The following VASH1 variants were observed in gnomAD, a reference collection of about 807,000 sequenced individuals.
VASH1 encodes vasohibin 1.
VASH1 carries 16 observed loss-of-function variants against 35.0 expected under a neutral mutation model. The ratio of observed to expected loss-of-function variants is 0.46; its 90% CI spans 0.31 to 0.70. The LOEUF (loss-of-function observed/expected upper bound fraction) is 0.70, where lower values mean the gene tolerates loss of function less well. Among genes scored for constraint, VASH1 ranks in the 30% least tolerant of loss-of-function variants. VASH1 has a pLI of 0.05. For synonymous variants in VASH1, 214 were observed against 200.9 expected (o/e 1.07, Z -0.55); for missense variants, 505 against 510.7 (o/e 0.99, Z 0.11).
chr14:76,771,302 G>A, intron 3 of VASH1, 56 bp downstream of exon 3: 1 of 1,501,860 alleles, frequency 6.7e-7, no homozygotes, highest in East Asian at 2.4e-5. Context: ...CTTCTTGAAA[G>A]CCCTATAGTG....
chr14:76,776,207 G>T lies in VASH1; in HGVS notation c.846G>T (p.Val282=). 1 of 1,609,828 alleles carries T rather than the reference G, an allele frequency of 6.2e-7. No individual in the cohort carries two copies. Among genetic ancestry groups the T allele is most frequent in the Admixed American group, 1.7e-5 (1 of 59,964 alleles). ...AGTGGAAGCACTCGGTGCTGGACGT[G>T]GAGCGCCTGGGCCGCGATGACTTCC... ...QIEWKHSVLD[V]ERLGRDDFRK... The change falls in exon 5 of 7, where the codon GTG becomes GTT. Residue 282 remains valine, a synonymous_variant. Transcript: ENST00000167106.
intron 3 of VASH1, 51 bp downstream of exon 3, chr14:76,771,297 T>G: frequency 6.5e-7 from 1 of 1,536,890 alleles, no homozygotes; most frequent in Non-Finnish European, 8.8e-7. Context: ...TGGAGCTTCT[T>G]GAAAGCCCTA....
Position 76,762,834 on chromosome 14 carries a change from A to C in VASH1, c.13A>C (p.Lys5Gln). Residue 5 changes from lysine (K) to glutamine (Q), a missense_variant, in exon 1 of 7, where the codon AAG becomes CAG. Transcript: ENST00000167106. Reference sequence around the variant, plus strand: ...CGAAGATTTAGGGATGCCAGGGGGGAAGAAGGTGGCTGGGGGTGGCAGCAG... The same window carrying C: ...CGAAGATTTAGGGATGCCAGGGGGGCAGAAGGTGGCTGGGGGTGGCAGCAG... The part of the protein sequence containing the change: MPGG[K>Q]KVAGGGSSGA... The C allele has an allele frequency of 6.7e-7, 1 of 1,489,736 alleles. No individual in the cohort carries two copies. The highest frequency in any genetic ancestry group is 8.9e-7 in the Non-Finnish European group (1 of 1,119,518). 92.3% of individuals were successfully genotyped at this position (1,489,736 alleles called of 1,614,324 possible). A position where few individuals can be genotyped will look rare whatever the true frequency, so the allele number is the denominator to read the frequency against.
chr14:76,770,792 A>G (rs1459348163), intron 2 of VASH1, among the ~76,000 whole-genome samples: 2 of 152,014 alleles, frequency 1.3e-5, no homozygotes, highest in Non-Finnish European at 2.9e-5. Flanking sequence ...CAGTGGGGAA[A>G]CTGGTCCAGT....
At chr14:76,777,863 C>T in intron 5 of VASH1, 96 bp from the exon 6 acceptor site, 1 of 945,760 alleles carries the variant, frequency 1.1e-6, no homozygotes, top group Non-Finnish European at 1.5e-6. Flanking sequence ...CGGGCCTTCC[C>T]CAGGGCAGCC....
Position 76,769,943 on chromosome 14 carries a change from A to G in VASH1, c.310-20A>G, listed in dbSNP as rs1488365803. The G allele has an allele frequency of 6.2e-7, 1 of 1,612,126 alleles. No homozygotes were observed. Among genetic ancestry groups the G allele is most frequent in the Non-Finnish European group, 8.5e-7 (1 of 1,178,370 alleles). On this transcript the variant is annotated intron_variant, in intron 1 of 6. Transcript: ENST00000167106. ...AAGGTGAGCCTCTTCTTGTGACCGG[A>G]GCTCTTTCTCTGTCCCCAGATCCCC...
intron 1 of VASH1, among the ~76,000 whole-genome samples, chr14:76,768,808 G>A (rs3783994): frequency 0.37 from 55,517 of 152,070 alleles, 10,501 homozygotes; most frequent in Non-Finnish European, 0.4. Flanking sequence ...TCGGGTGGGT[G>A]GGCTCAGTGT....
At position 76,764,283 on chromosome 14, in the gene VASH1, A is replaced by G. The variant is rs138921115; in HGVS notation, c.309+1153A>G. On this transcript the variant is annotated intron_variant, in intron 1 of 6. Transcript: ENST00000167106. ...AAGGTTGAAGGTTTAAATACTGCCT[A>G]ATGTTTCCAGGGGAAACAAAATGTA... 3.9e-3 allele frequency among the ~76,000 whole-genome samples: 588 copies of G among 152,368 alleles called. 4 individuals are homozygous for G. The highest frequency in any genetic ancestry group is 0.014 in the African/African-American group (569 of 41,584).
Position 76,775,757 on chromosome 14 carries a change from T to C in VASH1, c.531-135T>C, listed in dbSNP as rs559398651. 53 of 1,320,012 alleles carry C rather than the reference T, an allele frequency of 4.0e-5. No individual in the cohort carries two copies. The East Asian group carries it at 1.2e-3, about 30-fold the overall frequency. The allele number at this position is 1,320,012 out of a possible 1,614,324, so 81.8% of individuals were successfully genotyped here. A position where few individuals can be genotyped will look rare whatever the true frequency, so the allele number is the denominator to read the frequency against. On this transcript the variant is annotated intron_variant, in intron 4 of 6. Coordinates refer to ENST00000167106, the MANE Select transcript of VASH1 (RefSeq NM_014909.5). Reference sequence around the variant, plus strand: ...GAATACCAGGAGGAGACGCCAGGCGTATGGAGATGAGCAGGACTGGTGTCT... The same window carrying C: ...GAATACCAGGAGGAGACGCCAGGCGCATGGAGATGAGCAGGACTGGTGTCT...
In VASH1 at chr14:76,775,844, C is replaced by G. The variant is rs764523284; in HGVS notation, c.531-48C>G. ...CCCGGTCCCAGTCCCTCCCGGTGTG[C>G]TGGCCCCGTGCTTCTCCTGGCTCTT... On this transcript the variant is annotated intron_variant, in intron 4 of 6. Coordinates refer to ENST00000167106, the MANE Select transcript of VASH1 (RefSeq NM_014909.5). 7.3e-6 allele frequency: 11 copies of G among 1,500,990 alleles called. No homozygotes were observed. The Admixed American group carries it at 2.3e-4, about 32-fold the overall frequency. 93.0% of individuals were successfully genotyped at this position (1,500,990 alleles called of 1,614,324 possible).
rs1317218074 is a variant in VASH1 at position 76,771,249 on chromosome 14, A to G, written c.455+3A>G. 2 of 1,599,128 alleles carry G rather than the reference A, an allele frequency of 1.3e-6. No individual in the cohort carries two copies. Among genetic ancestry groups the G allele is most frequent in the African/African-American group, 2.7e-5 (2 of 74,250 alleles). ...AAGAAGAGCAGACCTCTGACAGGGTAAGTATGGGGAGGCCAGTCCTCTGCC... is the reference window on the plus strand; with the variant it reads ...AAGAAGAGCAGACCTCTGACAGGGTGAGTATGGGGAGGCCAGTCCTCTGCC... On this transcript the variant is annotated splice_donor_region_variant and intron_variant, in intron 3 of 6. Coordinates refer to ENST00000167106, the MANE Select transcript of VASH1 (RefSeq NM_014909.5).
At position 76,772,998 on chromosome 14, in the gene VASH1, G is replaced by A. The variant is rs547047338; in HGVS notation, c.456-139G>A. 1.8e-4 allele frequency: 129 copies of A among 726,588 alleles called. No individual in the cohort carries two copies. The African/African-American group carries it at 2.2e-3, about 12-fold the overall frequency. The allele number at this position is 726,588 out of a possible 1,614,324, so 45.0% of individuals were successfully genotyped here. A position where few individuals can be genotyped will look rare whatever the true frequency, so the allele number is the denominator to read the frequency against. ...GTCCGTCGGGAGTGTGGAGGGAGGT[G>A]CTGGGCCTGAGCTGAGAGCAGCTTA... On this transcript the variant is annotated intron_variant, in intron 3 of 6. Coordinates refer to ENST00000167106, the MANE Select transcript of VASH1 (RefSeq NM_014909.5).
rs1342283654 is a variant in VASH1 at position 76,778,929 on chromosome 14, C to T, written c.1026-17C>T. ...GACCACTCACTCTCCTCCCGCTCTG[C>T]TCTCTTCCTCCCACAGGCCCTCGGG... On this transcript the variant is annotated splice_polypyrimidine_tract_variant and intron_variant, in intron 6 of 6. Coordinates refer to ENST00000167106, the MANE Select transcript of VASH1 (RefSeq NM_014909.5). 1.9e-5 allele frequency: 30 copies of T among 1,613,776 alleles called. No homozygotes were observed. The highest frequency in any genetic ancestry group is 2.4e-5 in the Non-Finnish European group (28 of 1,179,774).
At chr14:76,772,603 C>G (rs140506230) in intron 3 of VASH1, among the ~76,000 whole-genome samples, 1 of 152,332 alleles carries the variant, frequency 6.6e-6, no homozygotes, top group East Asian at 1.9e-4. Context: ...AGTTCAGGAG[C>G]AGATCTGTAG....
chr14:76,773,014 G>A, intron 3 of VASH1, 123 bp from the exon 4 acceptor site: 4 of 871,284 alleles, frequency 4.6e-6, no homozygotes, highest in South Asian at 1.8e-5. Flanking sequence ...CCTGAGCTGA[G>A]AGCAGCTTAG....
At chr14:76,778,776 G>A (rs1312866778) in intron 6 of VASH1, among the ~76,000 whole-genome samples, 170 bp from the exon 7 acceptor site, 1 of 152,236 alleles carries the variant, frequency 6.6e-6, no homozygotes, top group Non-Finnish European at 1.5e-5. Flanking sequence ...AGACAGCACA[G>A]GCGGGCCAGG....
intron 1 of VASH1, among the ~76,000 whole-genome samples, chr14:76,763,753 C>T (rs1304773702): frequency 6.6e-6 from 1 of 152,070 alleles, no homozygotes; most frequent in African/African-American, 2.4e-5. Context: ...GATTCAAGCA[C>T]ATTAGAAGAG....
rs758847438 is a variant in VASH1 at position 76,778,951 on chromosome 14, CG to C, written c.1034del (p.Gly345ValfsTer53). 6.2e-7 allele frequency: 1 copy of C among 1,614,196 alleles called. No individual in the cohort carries two copies. The highest frequency in any genetic ancestry group is 1.7e-5 in the Admixed American group (1 of 60,030). ...CTGCTCTCTTCCTCCCACAGGCCCT[CG>C]GGTGACAAGAAGACTTCCGAGCCCA... The part of the protein sequence containing the change: ...RRNSRSERRP[S>X]GDKKTSEPKA... On this transcript the variant is annotated frameshift_variant, in exon 7 of 7. Coordinates refer to ENST00000167106, the MANE Select transcript of VASH1 (RefSeq NM_014909.5). LOFTEE classifies it high-confidence loss of function.
At chr14:76,768,551 G>C (rs1045758908) in intron 1 of VASH1, among the ~76,000 whole-genome samples, 1 of 152,132 alleles carries the variant, frequency 6.6e-6, no homozygotes. Flanking sequence ...ACACTGTCCC[G>C]TGTGCCTGTG....
Sources: allele counts gnomAD v4.1 joint callset (sites outside exome capture counted in the v4.1 genomes callset), GRCh38; gene constraint gnomAD v4.1.1; transcripts MANE v1.5; gene names NCBI Gene and HGNC (gene_info 2026-07-23, HGNC 2026-07-21).